PCDHGA1: variants seen among roughly 807,000 people sequenced by gnomAD.
PCDHGA1 encodes the protein protocadherin gamma-A1.
A neutral mutation model predicts 58.0 loss-of-function variants in PCDHGA1; 32 were observed. That is an observed-to-expected ratio of 0.55 (90% CI 0.42 to 0.74). The LOEUF is 0.74. Among genes scored for constraint, PCDHGA1 ranks in the 30% least tolerant of loss-of-function variants. PCDHGA1 has a pLI of 0.00. For missense variants in PCDHGA1, 1,205 were observed against 1,182.3 expected, an observed-to-expected ratio of 1.02 and a Z score of -0.28; for synonymous variants, 498 against 501.1, an observed-to-expected ratio of 0.99 and a Z score of 0.08.
intron 1 of PCDHGA1, chr5:141,361,272 T>C: frequency 1.2e-6 from 2 of 1,613,890 alleles, no homozygotes; most frequent in Non-Finnish European, 1.7e-6. Flanking sequence ...CTGGAGAAAA[T>C]GGAGAAGTTT....
chr5:141,414,900 T>C (rs1402776790), intron 1 of PCDHGA1: 5 of 1,614,170 alleles, frequency 3.1e-6, no homozygotes, highest in Middle Eastern at 1.6e-4. Flanking sequence ...CCACAGACGG[T>C]TCCACAGGCG....
intron 1 of PCDHGA1, chr5:141,350,603 C>T: frequency 6.2e-7 from 1 of 1,614,000 alleles, no homozygotes; most frequent in Non-Finnish European, 8.5e-7. Flanking sequence ...GAATGTTTTC[C>T]ACGTGGTTGT....
chr5:141,442,596 T>C (rs2154559877), intron 1 of PCDHGA1: 1 of 152,310 alleles, frequency 6.6e-6, no homozygotes, highest in South Asian at 2.1e-4. Flanking sequence ...TTAAATATTT[T>C]CAGAGATCTC....
At position 141,485,227 on chromosome 5, in the gene PCDHGA1, G is replaced by C. The variant is rs2099609828; in HGVS notation, c.2422-9580G>C. 1 of 1,614,186 alleles carries C rather than the reference G, an allele frequency of 6.2e-7. No individual in the cohort carries two copies. Among genetic ancestry groups the C allele is most frequent in the Non-Finnish European group, 8.5e-7 (1 of 1,180,020 alleles). On this transcript the variant is annotated intron_variant, in intron 1 of 3. Transcript: ENST00000517417. The surrounding 1 kb of genome is among the most constrained non-coding windows in gnomAD (Gnocchi z 5.7). The stretch of plus-strand genomic sequence containing the variant: ...AAATCTGGCGGTGGGCTACCCTTTT[G>C]TTCCTCTTTTACCACCTGGGTTACG...
intron 1 of PCDHGA1, chr5:141,385,163 A>T: frequency 6.2e-7 from 1 of 1,614,182 alleles, no homozygotes; most frequent in Non-Finnish European, 8.5e-7. Flanking sequence ...ACCTATTCCC[A>T]TGAGGTCTCC....
chr5:141,427,654 T>C (rs2097054872), intron 1 of PCDHGA1: 3 of 727,622 alleles, frequency 4.1e-6, no homozygotes, highest in Non-Finnish European at 7.4e-6. Context: ...TCCTACGTGG[T>C]CCACGTGGCC....
chr5:141,404,490 T>A (rs748668164), intron 1 of PCDHGA1: 6 of 1,613,632 alleles, frequency 3.7e-6, no homozygotes, highest in Non-Finnish European at 5.1e-6. Flanking sequence ...GACACTGGTG[T>A]GCTGTATGCT....
In PCDHGA1 at chr5:141,489,210, G is replaced by A; in HGVS notation, c.2422-5597G>A. ...TCTACCTTGGAGACAGGACAGCACAGACTTACTCTCCACAAAGGGACTTCT... is the reference window on the plus strand; with the variant it reads ...TCTACCTTGGAGACAGGACAGCACAAACTTACTCTCCACAAAGGGACTTCT... On this transcript the variant is annotated intron_variant, in intron 1 of 3. Coordinates refer to ENST00000517417, the MANE Select transcript of PCDHGA1 (RefSeq NM_018912.3). The surrounding 1 kb of genome is among the most constrained non-coding windows in gnomAD (Gnocchi z 4.5). 6 of 1,461,860 alleles carry A rather than the reference G, an allele frequency of 4.1e-6. No homozygotes were observed. Among genetic ancestry groups the A allele is most frequent in the Non-Finnish European group, 5.6e-6 (6 of 1,080,904 alleles). 90.6% of individuals were successfully genotyped at this position (1,461,860 alleles called of 1,614,324 possible). A position where few individuals can be genotyped will look rare whatever the true frequency, so the allele number is the denominator to read the frequency against.
At chr5:141,419,053 T>C in intron 1 of PCDHGA1, 1 of 1,613,954 alleles carries the variant, frequency 6.2e-7, no homozygotes, top group South Asian at 1.1e-5. Context: ...ATTCTTCTTC[T>C]AATAATTACT....
intron 1 of PCDHGA1, chr5:141,372,050 G>A: frequency 6.2e-7 from 1 of 1,613,506 alleles, no homozygotes; most frequent in Non-Finnish European, 8.5e-7. Context: ...GCGTGTTGGT[G>A]GACGACCGCA....
At chr5:141,352,154 G>T (rs770780067) in intron 1 of PCDHGA1, 1 of 1,612,750 alleles carries the variant, frequency 6.2e-7, no homozygotes, top group East Asian at 2.2e-5. Context: ...GGGCGACAGG[G>T]ACGCGGCCCG....
chr5:141,403,489 C>T (rs187216481), intron 1 of PCDHGA1: 2 of 1,614,050 alleles, frequency 1.2e-6, no homozygotes, highest in East Asian at 2.2e-5. Flanking sequence ...ACCACTTCTC[C>T]CTGAACGTGC....
At chr5:141,347,278 C>T (rs1278096121) in intron 1 of PCDHGA1, among the ~76,000 whole-genome samples, 1 of 151,758 alleles carries the variant, frequency 6.6e-6, no homozygotes, top group Non-Finnish European at 1.5e-5. Context: ...CTCAGCCTCC[C>T]GAGTAGCTGG....
At chr5:141,366,007 G>T (rs764457320) in intron 1 of PCDHGA1, 1 of 1,614,058 alleles carries the variant, frequency 6.2e-7, no homozygotes, top group Non-Finnish European at 8.5e-7. Flanking sequence ...ACGACAATAC[G>T]CCTGAGATCC....
At chr5:141,443,872 A>G (rs1446612063) in intron 1 of PCDHGA1, among the ~76,000 whole-genome samples, 1 of 152,212 alleles carries the variant, frequency 6.6e-6, no homozygotes, top group South Asian at 2.1e-4. Context: ...AAAATTACTG[A>G]TAAGTCAAGA....
chr5:141,418,523 C>T (rs2096266495), intron 1 of PCDHGA1: 1 of 1,613,958 alleles, frequency 6.2e-7, no homozygotes, highest in Non-Finnish European at 8.5e-7. Context: ...GGACCCTCCC[C>T]GAAGCGGTAC....
chr5:141,438,165 G>GA (rs1252266607), intron 1 of PCDHGA1, among the ~76,000 whole-genome samples: 2 of 152,076 alleles, frequency 1.3e-5, no homozygotes, highest in East Asian at 3.8e-4. Flanking sequence ...AAGCTAATTG[G>GA]AAAAAATATT....
At position 141,345,797 on chromosome 5, in the gene PCDHGA1, G is replaced by A. The variant is rs756844762; in HGVS notation, c.2421+12692G>A. ...GCTCCGCAGAGCCCGGCTACCTGGT[G>A]ACCAAGGTGGTGGCGGTGGACAGAG... is the stretch of plus-strand genomic sequence containing the variant. On this transcript the variant is annotated intron_variant, in intron 1 of 3. Transcript: ENST00000517417. The A allele has an allele frequency of 1.6e-5, 26 of 1,613,910 alleles. No homozygotes were observed. The African/African-American group carries it at 2.0e-4, about 12-fold the overall frequency.
chr5:141,331,978 C>G lies in PCDHGA1; in HGVS notation c.1294C>G (p.Leu432Val), dbSNP rs910027441. 6.8e-6 allele frequency: 11 copies of G among 1,614,046 alleles called. No homozygotes were observed. The highest frequency in any genetic ancestry group is 1.7e-5 in the Admixed American group (1 of 60,010). ...ITAIDQGTPALSTETHISLLV... is the reference protein window; with the variant it reads ...ITAIDQGTPAVSTETHISLLV... ...AGCAATAGACCAAGGAACTCCAGCT[C>G]TATCTACTGAAACTCACATTTCACT... Residue 432 changes from leucine (L) to valine (V), a missense_variant, in exon 1 of 4, where the codon CTA becomes GTA. Transcript: ENST00000517417.
Sources: allele counts gnomAD v4.1 joint callset (sites outside exome capture counted in the v4.1 genomes callset), GRCh38; gene constraint gnomAD v4.1.1; non-coding constraint Gnocchi (gnomAD v3.1); transcripts MANE v1.5; gene names NCBI Gene and HGNC (gene_info 2026-07-23, HGNC 2026-07-21).